The following DLC1 variants were observed in gnomAD, a reference collection of about 807,000 sequenced individuals.
The protein encoded by DLC1 is rho GTPase-activating protein 7.
DLC1 carries 54 observed loss-of-function variants against 140.3 expected under a neutral mutation model. The ratio of observed to expected loss-of-function variants is 0.38; its 90% CI spans 0.31 to 0.48. The LOEUF is 0.48. Ranked by LOEUF, DLC1 falls within the 20% of genes least tolerant of loss-of-function variation. The pLI, the probability that DLC1 is intolerant of heterozygous loss-of-function variation, is 0.96. For synonymous variants in DLC1, 986 were observed against 728.1 expected, an observed-to-expected ratio of 1.35 and a Z score of -5.70; for missense variants, 2,536 against 1,907.0, an observed-to-expected ratio of 1.33 and a Z score of -6.14.
intron 1 of DLC1, among the ~76,000 whole-genome samples, chr8:13,575,266 C>T (rs1804798304): frequency 6.6e-6 from 1 of 152,180 alleles, no homozygotes; most frequent in South Asian, 2.1e-4. Flanking sequence ...TCAAAATTTG[C>T]TCTGGATGTC....
chr8:13,126,237 A>T lies in DLC1; in HGVS notation c.1349-10580T>A, dbSNP rs148195070. Among the ~76,000 whole-genome samples, 833 of 151,082 alleles carry T rather than the reference A, an allele frequency of 5.5e-3. 3 individuals are homozygous for T. The highest frequency in any genetic ancestry group is 9.3e-3 in the Non-Finnish European group (628 of 67,344). ...TTGGCACTTATTACCCAGCAAAAAGAGGTCAAACTGAAATCAAAATAAACT... is the reference window on the plus strand; with the variant it reads ...TTGGCACTTATTACCCAGCAAAAAGTGGTCAAACTGAAATCAAAATAAACT... On this transcript the variant is annotated intron_variant, in intron 5 of 17. Coordinates refer to ENST00000276297, the MANE Select transcript of DLC1 (RefSeq NM_182643.3).
At chr8:13,180,389 G>A (rs1316258459) in intron 5 of DLC1, among the ~76,000 whole-genome samples, 1 of 152,032 alleles carries the variant, frequency 6.6e-6, no homozygotes, top group Non-Finnish European at 1.5e-5. Flanking sequence ...AAATATCAAA[G>A]AAACATTAGT....
intron 1 of DLC1, among the ~76,000 whole-genome samples, chr8:13,552,129 A>ATATATATATATACCTGTCTAGAGG (rs1803885982): frequency 7.6e-6 from 1 of 131,868 alleles, no homozygotes; most frequent in African/African-American, 2.8e-5. Context: ...ATATATATAT[A>ATATATATATATACCTGTCTAGAGG]TATATATATA....
At chr8:13,500,405 A>G (rs921291655) in intron 1 of DLC1, among the ~76,000 whole-genome samples, 3 of 152,230 alleles carry the variant, frequency 2.0e-5, no homozygotes, top group South Asian at 2.1e-4. Context: ...ATCATCAGCA[A>G]TACTTTTAAA....
intron 4 of DLC1, among the ~76,000 whole-genome samples, chr8:13,388,120 G>A (rs149042759): frequency 9.3e-4 from 142 of 152,086 alleles, no homozygotes; most frequent in African/African-American, 3.2e-3. Context: ...AATAAGAATT[G>A]TTTTTCCTAA....
intron 2 of DLC1, among the ~76,000 whole-genome samples, chr8:13,416,232 G>T (rs1480431845): frequency 6.6e-6 from 1 of 152,070 alleles, no homozygotes; most frequent in African/African-American, 2.4e-5. Context: ...TTTGCTCATA[G>T]AACTTGTTAC....
chr8:13,098,436 C>T lies in DLC1; in HGVS notation c.3130G>A (p.Glu1044Lys). 1 of 1,614,128 alleles carries T rather than the reference C, an allele frequency of 6.2e-7. No individual in the cohort carries two copies. Among genetic ancestry groups the T allele is most frequent in the Non-Finnish European group, 8.5e-7 (1 of 1,180,018 alleles). The change falls in exon 10 of 18, where the codon GAG (glutamate) becomes AAG (lysine). Residue 1044 changes from glutamate (E) to lysine (K), a missense_variant. Physicochemically the swap from Glu to Lys is moderately conservative, Grantham distance 56 (BLOSUM62 1). Transcript: ENST00000276297. ...TGCTTGTTAGAAGGTGTGTATTTCT[C>T]CAGCAGGGCCGTTAGCTTTAGGAGT... ...YSLLKLTALL[E>K]KYTPSNKHGF...
chr8:13,086,460 G>C lies in DLC1; in HGVS notation c.4296C>G (p.Thr1432=). The change falls in exon 17 of 18, where the codon ACC becomes ACG. Residue 1432 remains threonine (T), a synonymous_variant. Coordinates refer to ENST00000276297, the MANE Select transcript of DLC1 (RefSeq NM_182643.3). ...CTCCTTTGGGTAAATTAGTCCTCCA[G>C]GTTCTGTAGAGACAAAACCAGAGGC... ...HPARDYVVLR[T]WRTNLPKGAC... 1.9e-6 allele frequency: 3 copies of C among 1,610,300 alleles called. No individual in the cohort carries two copies. Among genetic ancestry groups the C allele is most frequent in the Non-Finnish European group, 2.5e-6 (3 of 1,178,936 alleles).
intron 5 of DLC1, among the ~76,000 whole-genome samples, chr8:13,147,221 G>T (rs1823501246): frequency 6.6e-6 from 1 of 152,158 alleles, no homozygotes; most frequent in South Asian, 2.1e-4. Flanking sequence ...TCTCCTGGGG[G>T]AGCGAGGGAT....
chr8:13,592,309 C>A (rs1331705855), intron 1 of DLC1, among the ~76,000 whole-genome samples: 1 of 152,020 alleles, frequency 6.6e-6, no homozygotes, highest in African/African-American at 2.4e-5. Context: ...TACCATACAT[C>A]AGTGACATAC....
intron 5 of DLC1, among the ~76,000 whole-genome samples, chr8:13,251,728 T>G (rs1830014053): frequency 6.6e-6 from 1 of 152,162 alleles, no homozygotes; most frequent in African/African-American, 2.4e-5. Flanking sequence ...GTCACCTCTC[T>G]GAACCAAAGT....
intron 2 of DLC1, among the ~76,000 whole-genome samples, chr8:13,482,383 G>T (rs7814141): frequency 0.75 from 114,717 of 151,968 alleles, 44,697 homozygotes; most frequent in Middle Eastern, 0.89. Context: ...AATTTCTTTT[G>T]CCATGTGCAT....
chr8:13,150,769 A>G (rs1823746066), intron 5 of DLC1, among the ~76,000 whole-genome samples: 1 of 152,244 alleles, frequency 6.6e-6, no homozygotes, highest in Admixed American at 6.5e-5. Flanking sequence ...CAAGCATAAA[A>G]TCTCACTGAG....
At chr8:13,317,104 T>A (rs970731075) in intron 4 of DLC1, among the ~76,000 whole-genome samples, 1 of 152,182 alleles carries the variant, frequency 6.6e-6, no homozygotes, top group African/African-American at 2.4e-5. Context: ...TATTTCAGAA[T>A]GGGTCAATGA....
chr8:13,591,416 A>C (rs568283721), intron 1 of DLC1, among the ~76,000 whole-genome samples: 54 of 152,034 alleles, frequency 3.6e-4, no homozygotes, highest in Non-Finnish European at 6.2e-4. Flanking sequence ...AGCATCTGGC[A>C]TTTCCCCTGC....
chr8:13,216,317 G>C (rs1828197279), intron 5 of DLC1, among the ~76,000 whole-genome samples: 1 of 152,160 alleles, frequency 6.6e-6, no homozygotes, highest in Non-Finnish European at 1.5e-5. Context: ...CTATATTGAA[G>C]TTGAGAAAAC....
At chr8:13,589,812 A>T (rs115167994) in intron 1 of DLC1, among the ~76,000 whole-genome samples, 6,222 of 151,738 alleles carry the variant, frequency 0.041, 414 homozygotes, top group African/African-American at 0.14. Flanking sequence ...TGGTGAAAGG[A>T]GATATTTTAA....
rs540653217 is a variant in DLC1, at chr8:13,395,002, T to C, written c.1174-1309A>G. On this transcript the variant is annotated intron_variant, in intron 3 of 17. Coordinates refer to ENST00000276297, the MANE Select transcript of DLC1 (RefSeq NM_182643.3). The stretch of plus-strand genomic sequence containing the variant: ...CCTCTTTGCTTGCTAATCTACTACA[T>C]ATTCTATCTATCTATCTATCTATCT... Among the ~76,000 whole-genome samples the C allele has an allele frequency of 3.7e-4, 11 of 29,876 alleles. No homozygotes were observed. The East Asian group carries it at 7.5e-3, about 20-fold the overall frequency. 19.6% of individuals were successfully genotyped at this position (29,876 alleles called of 152,430 possible).
At chr8:13,307,832 T>C (rs17191915) in intron 4 of DLC1, among the ~76,000 whole-genome samples, 7,728 of 152,252 alleles carry the variant, frequency 0.051, 244 homozygotes, top group South Asian at 0.12. Context: ...ATGCTGTCAC[T>C]AACGGAAGCA....
Sources: allele counts gnomAD v4.1 joint callset (sites outside exome capture counted in the v4.1 genomes callset), GRCh38; gene constraint gnomAD v4.1.1; transcripts MANE v1.5; gene names NCBI Gene and HGNC (gene_info 2026-07-23, HGNC 2026-07-21).